Variants in LAMA2 observed in about 807,000 individuals in gnomAD.
The protein encoded by LAMA2 is laminin subunit alpha-2.
Under a neutral mutation model 364.8 loss-of-function variants are expected in LAMA2, and 269 were observed. The observed-to-expected ratio is 0.74, with a 90% CI of 0.67 to 0.82. The LOEUF (loss-of-function observed/expected upper bound fraction) is 0.82, where lower values mean the gene tolerates loss of function less well. Ranked by LOEUF, LAMA2 falls within the 40% of genes least tolerant of loss-of-function variation. LAMA2 has a pLI of 0.00. For missense variants in LAMA2, 3,807 were observed against 3,873.2 expected (o/e 0.98, Z 0.45); for synonymous variants, 1,379 against 1,370.6 (o/e 1.01, Z -0.14).
chr6:128,963,353 G>A (rs970984967), intron 1 of LAMA2, among the ~76,000 whole-genome samples: 1 of 152,114 alleles, frequency 6.6e-6, no homozygotes, highest in Non-Finnish European at 1.5e-5. Flanking sequence ...GAAAATGTAT[G>A]TAGAAAATGC....
intron 41 of LAMA2, among the ~76,000 whole-genome samples, chr6:129,435,672 G>T (rs1349286446): frequency 6.6e-6 from 1 of 152,120 alleles, no homozygotes; most frequent in African/African-American, 2.4e-5. Flanking sequence ...ACAATGTTAT[G>T]TGCTTATATT....
chr6:128,995,154 C>T (rs1783848714), intron 1 of LAMA2, among the ~76,000 whole-genome samples: 2 of 152,144 alleles, frequency 1.3e-5, no homozygotes, highest in Admixed American at 6.6e-5. Context: ...CAGTACTTAT[C>T]ATATGATATT....
chr6:129,237,054 T>G (rs1237278353), intron 12 of LAMA2, among the ~76,000 whole-genome samples: 1 of 152,146 alleles, frequency 6.6e-6, no homozygotes, highest in East Asian at 1.9e-4. Flanking sequence ...CTTGAACAAG[T>G]TATGTAAGTA....
chr6:129,353,604 A>G (rs767566809), intron 32 of LAMA2, among the ~76,000 whole-genome samples: 4 of 152,100 alleles, frequency 2.6e-5, no homozygotes, highest in Non-Finnish European at 5.9e-5. Context: ...TGAAAGACCT[A>G]CAATGAAGCT....
intron 10 of LAMA2, among the ~76,000 whole-genome samples, chr6:129,182,341 T>C (rs1301467055): frequency 1.3e-5 from 2 of 151,458 alleles, no homozygotes; most frequent in South Asian, 2.1e-4. Flanking sequence ...TTATCTAGTA[T>C]CTTTGAAGGT....
At chr6:129,230,844 A>G (rs1427503477) in intron 12 of LAMA2, among the ~76,000 whole-genome samples, 1 of 152,104 alleles carries the variant, frequency 6.6e-6, no homozygotes, top group African/African-American at 2.4e-5. Context: ...ATGGAATCTA[A>G]GACAGTGATG....
At chr6:128,885,673 A>G (rs1157577382) in intron 1 of LAMA2, among the ~76,000 whole-genome samples, 1 of 152,168 alleles carries the variant, frequency 6.6e-6, no homozygotes, top group East Asian at 1.9e-4. Flanking sequence ...TAGAAGTTCT[A>G]TTTCCCCTTA....
At chr6:129,464,731 G>A (rs945332692) in intron 50 of LAMA2, among the ~76,000 whole-genome samples, 1 of 151,840 alleles carries the variant, frequency 6.6e-6, no homozygotes, top group Non-Finnish European at 1.5e-5. Flanking sequence ...TCCCAGCATG[G>A]AGCCATACAG....
At chr6:128,891,645 A>G (rs17722934) in intron 1 of LAMA2, among the ~76,000 whole-genome samples, 1 of 151,980 alleles carries the variant, frequency 6.6e-6, no homozygotes, top group Non-Finnish European at 1.5e-5. Flanking sequence ...CTAACATGAC[A>G]TTCTCTGGCT....
chr6:128,962,193 TAC>T (rs1375990983), intron 1 of LAMA2, among the ~76,000 whole-genome samples: 13 of 109,738 alleles, frequency 1.2e-4, no homozygotes, highest in African/African-American at 3.0e-4. Flanking sequence ...TATACACACA[TAC>T]ACACACACAT....
At chr6:129,125,621 G>A (rs941544496) in intron 4 of LAMA2, among the ~76,000 whole-genome samples, 5 of 152,166 alleles carry the variant, frequency 3.3e-5, no homozygotes, top group African/African-American at 1.2e-4. Flanking sequence ...TTGATGTGAT[G>A]CATAGGGACA....
At position 129,383,229 on chromosome 6, in the gene LAMA2, A is replaced by G. The variant is rs2114654178; in HGVS notation, c.5067A>G (p.Ala1689=). 2 of 1,604,532 alleles carry G rather than the reference A, an allele frequency of 1.2e-6. No individual in the cohort carries two copies. Among genetic ancestry groups the G allele is most frequent in the Non-Finnish European group, 1.7e-6 (2 of 1,172,236 alleles). ...TCATTAAGGAGCTTGCCCGGGATGC[A>G]GAAGGTATTAGAAAGAATCACATTT... ...GEFIKELARD[A]EAVNEKAIKL... Residue 1689 remains alanine (A), a synonymous_variant, in exon 35 of 65, where the codon GCA becomes GCG. Coordinates refer to ENST00000421865, the MANE Select transcript of LAMA2 (RefSeq NM_000426.4).
intron 9 of LAMA2, 50 bp from the exon 10 acceptor site, chr6:129,177,656 A>T: frequency 6.3e-7 from 1 of 1,582,946 alleles, no homozygotes; most frequent in Non-Finnish European, 8.7e-7. Flanking sequence ...TTAACAACTA[A>T]ATTATGTACT....
intron 21 of LAMA2, among the ~76,000 whole-genome samples, chr6:129,299,861 A>G (rs1404174761): frequency 6.6e-6 from 1 of 152,200 alleles, no homozygotes; most frequent in Non-Finnish European, 1.5e-5. Context: ...TGATTTAGTC[A>G]TCATATAACC....
chr6:129,021,025 G>A (rs1169300677), intron 1 of LAMA2, among the ~76,000 whole-genome samples: 1 of 152,152 alleles, frequency 6.6e-6, no homozygotes, highest in Non-Finnish European at 1.5e-5. Flanking sequence ...TTATGAATAA[G>A]TTTTATTTCA....
intron 12 of LAMA2, among the ~76,000 whole-genome samples, chr6:129,198,020 G>T (rs1341878910): frequency 6.6e-6 from 1 of 151,998 alleles, no homozygotes; most frequent in Non-Finnish European, 1.5e-5. Flanking sequence ...TCAACTGAAT[G>T]AATACTAGAT....
At chr6:128,908,295 T>A (rs1382670122) in intron 1 of LAMA2, among the ~76,000 whole-genome samples, 1 of 152,144 alleles carries the variant, frequency 6.6e-6, no homozygotes, top group Non-Finnish European at 1.5e-5. Flanking sequence ...AGCTATTGAT[T>A]ATTGTCACAA....
intron 1 of LAMA2, among the ~76,000 whole-genome samples, chr6:128,931,860 G>A (rs11970719): frequency 1.3e-5 from 2 of 151,802 alleles, no homozygotes; most frequent in South Asian, 2.1e-4. Context: ...TACTTTCCAC[G>A]GGGACTGTTA....
At chr6:129,431,425 A>G (rs1031889135) in intron 41 of LAMA2, among the ~76,000 whole-genome samples, 2 of 151,752 alleles carry the variant, frequency 1.3e-5, no homozygotes, top group Non-Finnish European at 2.9e-5. Flanking sequence ...ACTAGGTAAC[A>G]TACCTATAAA....
Sources: allele counts gnomAD v4.1 joint callset (sites outside exome capture counted in the v4.1 genomes callset), GRCh38; gene constraint gnomAD v4.1.1; transcripts MANE v1.5; gene names NCBI Gene and HGNC (gene_info 2026-07-23, HGNC 2026-07-21).